Variants in SMAD3 observed in about 807,000 individuals in gnomAD.
The protein encoded by SMAD3 is MAD homolog 3.
In SMAD3, 12 loss-of-function variants were observed where a neutral mutation model predicts 51.8. The ratio of observed to expected loss-of-function variants is 0.23; its 90% CI spans 0.15 to 0.38. The LOEUF (loss-of-function observed/expected upper bound fraction) is 0.38. SMAD3 is among the 10% of genes least tolerant of loss of function. The pLI is 1.00. For synonymous variants in SMAD3, 238 were observed against 227.7 expected, an observed-to-expected ratio of 1.05 and a Z score of -0.41; for missense variants, 294 against 565.6, an observed-to-expected ratio of 0.52 and a Z score of 4.87.
intron 1 of SMAD3, among the ~76,000 whole-genome samples, chr15:67,142,422 A>G (rs1237618755): frequency 6.6e-6 from 1 of 152,176 alleles, no homozygotes; most frequent in Non-Finnish European, 1.5e-5. Context: ...CAAATCACCA[A>G]TGGGTTGGAA....
chr15:67,069,598 T>G (rs1040295080), intron 1 of SMAD3, among the ~76,000 whole-genome samples: 30 of 152,176 alleles, frequency 2.0e-4, no homozygotes, highest in African/African-American at 7.0e-4. Context: ...ATTGCTTGTT[T>G]GGAAGGGAAT....
At chr15:67,093,904 G>T (rs528666621) in intron 1 of SMAD3, among the ~76,000 whole-genome samples, 1 of 152,194 alleles carries the variant, frequency 6.6e-6, no homozygotes, top group Non-Finnish European at 1.5e-5. Flanking sequence ...CGTCTTTGTT[G>T]ATCTCATTTG....
chr15:67,103,785 G>A (rs913729218), intron 1 of SMAD3, among the ~76,000 whole-genome samples: 1 of 152,190 alleles, frequency 6.6e-6, no homozygotes, highest in South Asian at 2.1e-4. Context: ...AGTGCTTCTG[G>A]ATCCACCGTT....
intron 1 of SMAD3, among the ~76,000 whole-genome samples, chr15:67,102,512 G>A (rs993814162): frequency 2.6e-5 from 4 of 152,180 alleles, no homozygotes; most frequent in Admixed American, 2.6e-4. Flanking sequence ...GGATTTGTGA[G>A]TGTTCATATC....
At chr15:67,070,111 A>T (rs1960019924) in intron 1 of SMAD3, among the ~76,000 whole-genome samples, 1 of 152,166 alleles carries the variant, frequency 6.6e-6, no homozygotes, top group Admixed American at 6.5e-5. Flanking sequence ...TGCCTTTTCC[A>T]GATTTCTGGG....
intron 1 of SMAD3, among the ~76,000 whole-genome samples, chr15:67,114,905 C>T (rs1352774302): frequency 1.3e-5 from 2 of 152,230 alleles, no homozygotes; most frequent in African/African-American, 4.8e-5. Context: ...CCAGGAGCAG[C>T]CTTGTAATAT....
At chr15:67,069,523 C>G (rs1595883720) in intron 1 of SMAD3, among the ~76,000 whole-genome samples, 1 of 152,170 alleles carries the variant, frequency 6.6e-6, no homozygotes, top group African/African-American at 2.4e-5. Flanking sequence ...ACACTGGTAG[C>G]TTGTACTTCC....
chr15:67,170,528 G>A, intron 4 of SMAD3, 26 bp from the exon 5 acceptor site: 1 of 1,605,312 alleles, frequency 6.2e-7, no homozygotes, highest in East Asian at 2.2e-5. Context: ...CTTTTGTGAA[G>A]TCTCACAACT....
intron 1 of SMAD3, among the ~76,000 whole-genome samples, chr15:67,070,940 G>C (rs1476596649): frequency 6.6e-6 from 1 of 152,060 alleles, no homozygotes; most frequent in African/African-American, 2.4e-5. Flanking sequence ...GGTATGTTAC[G>C]TTTATACTTC....
intron 1 of SMAD3, among the ~76,000 whole-genome samples, chr15:67,097,230 G>T (rs1344415109): frequency 1.3e-5 from 2 of 151,544 alleles, no homozygotes; most frequent in Non-Finnish European, 2.9e-5. Context: ...TTTTGTTTTT[G>T]TAGGGGACAG....
At chr15:67,172,765 G>C (rs547088060) in intron 5 of SMAD3, among the ~76,000 whole-genome samples, 2 of 152,320 alleles carry the variant, frequency 1.3e-5, no homozygotes, top group African/African-American at 4.8e-5. Context: ...ACTCCAGAGC[G>C]TGCACTCCCA....
At chr15:67,169,558 G>A (rs1428059824) in intron 4 of SMAD3, among the ~76,000 whole-genome samples, 5 of 151,788 alleles carry the variant, frequency 3.3e-5, no homozygotes, top group African/African-American at 4.8e-5. Context: ...AACACAGCTC[G>A]CTGCAGCCTC....
At chr15:67,119,523 A>C (rs1211546611) in intron 1 of SMAD3, among the ~76,000 whole-genome samples, 11 of 152,202 alleles carry the variant, frequency 7.2e-5, no homozygotes, top group South Asian at 4.1e-4. Context: ...TGGGGAGCGC[A>C]TGGAGTGCTT....
rs1417075046 is a variant in SMAD3, at chr15:67,190,994, C to T, written c.*458C>T. ...GCAGACCTCATGCCCAGCTCTCTGA[C>T]GCTTGTGACAGTGCCTCTTCCAGTG... On this transcript the variant is annotated 3_prime_UTR_variant, in exon 9 of 9. Transcript: ENST00000327367. The T allele has an allele frequency of 1.2e-5, 3 of 244,632 alleles. No individual in the cohort carries two copies. The highest frequency in any genetic ancestry group is 5.7e-5 in the East Asian group (1 of 17,476). The allele number at this position is 244,632 out of a possible 1,614,324, so 15.2% of individuals were successfully genotyped here.
chr15:67,074,830 C>T (rs1383174781), intron 1 of SMAD3, among the ~76,000 whole-genome samples: 1 of 152,224 alleles, frequency 6.6e-6, no homozygotes, highest in Admixed American at 6.5e-5. Context: ...GCTGGGACTA[C>T]AGGCGCCCGC....
intron 1 of SMAD3, among the ~76,000 whole-genome samples, chr15:67,119,358 GC>G (rs1277927291): frequency 6.6e-6 from 1 of 152,114 alleles, no homozygotes; most frequent in Non-Finnish European, 1.5e-5. Context: ...TGGGGCTGAA[GC>G]CCATTGCAGG....
At chr15:67,120,081 G>A (rs1595910516) in intron 1 of SMAD3, among the ~76,000 whole-genome samples, 2 of 152,354 alleles carry the variant, frequency 1.3e-5, no homozygotes, top group Middle Eastern at 6.8e-3. Flanking sequence ...AAAGGCGTGA[G>A]CCACTGTCCC....
At chr15:67,144,454 T>C (rs1288695093) in intron 1 of SMAD3, among the ~76,000 whole-genome samples, 1 of 152,214 alleles carries the variant, frequency 6.6e-6, no homozygotes, top group Non-Finnish European at 1.5e-5. Flanking sequence ...TTTGAAAATG[T>C]GCTTTGAAAG....
intron 1 of SMAD3, among the ~76,000 whole-genome samples, chr15:67,144,103 C>A (rs1172298571): frequency 1.3e-5 from 2 of 151,616 alleles, no homozygotes; most frequent in African/African-American, 4.9e-5. Context: ...ATGAACATGT[C>A]CATCACTCCT....
Sources: gnomAD v4.1 joint callset for allele counts (sites outside exome capture counted in the v4.1 genomes callset) on GRCh38, gnomAD v4.1.1 for gene constraint, MANE v1.5 for transcripts, NCBI Gene and HGNC (gene_info 2026-07-23, HGNC 2026-07-21) for gene names.